The following USP34 variants were observed in gnomAD, a reference collection of about 807,000 sequenced individuals.
The protein encoded by USP34 is ubiquitin specific peptidase 34, also known as ubiquitin carboxyl-terminal hydrolase 34.
Under a neutral mutation model 460.3 loss-of-function variants are expected in USP34, and 70 were observed. The ratio of observed to expected loss-of-function variants is 0.15; its 90% CI spans 0.13 to 0.19. The LOEUF is 0.19. Among genes scored for constraint, USP34 ranks in the 10% least tolerant of loss-of-function variants. The probability of loss-of-function intolerance (pLI) is 1.00; values close to 1 mark genes in which losing one functional copy is unlikely to be tolerated. For synonymous variants in USP34, 1,647 were observed against 1,405.3 expected, an observed-to-expected ratio of 1.17 and a Z score of -3.85; for missense variants, 3,985 against 4,236.2, an observed-to-expected ratio of 0.94 and a Z score of 1.65.
At chr2:61,438,585 A>C (rs1373788806) in intron 1 of USP34, among the ~76,000 whole-genome samples, 2 of 151,458 alleles carry the variant, frequency 1.3e-5, no homozygotes, top group Non-Finnish European at 2.9e-5. Context: ...GGGCGACAAG[A>C]GTGAGACTCC....
intron 43 of USP34, among the ~76,000 whole-genome samples, chr2:61,263,201 G>C (rs1172942561): frequency 3.0e-5 from 3 of 99,146 alleles, no homozygotes; most frequent in Non-Finnish European, 4.2e-5. Context: ...TTTTTTTTGA[G>C]AGAAGTCTCG....
intron 75 of USP34, among the ~76,000 whole-genome samples, chr2:61,196,578 C>CAT (rs1686817141): frequency 6.6e-6 from 1 of 151,688 alleles, no homozygotes; most frequent in Admixed American, 6.6e-5. Flanking sequence ...TTGCCCAAAG[C>CAT]ATGTTGCAGT....
At chr2:61,320,217 C>CAG (rs1199054182) in intron 21 of USP34, among the ~76,000 whole-genome samples, 2 of 152,172 alleles carry the variant, frequency 1.3e-5, no homozygotes, top group African/African-American at 4.8e-5. Context: ...TCGCTTATTC[C>CAG]AGTTCAGGGT....
chr2:61,458,854 T>C (rs561781752), intron 1 of USP34, among the ~76,000 whole-genome samples: 1 of 151,882 alleles, frequency 6.6e-6, no homozygotes, highest in Non-Finnish European at 1.5e-5. Context: ...GATGGTGAGG[T>C]CAGGAGTTCA....
At chr2:61,376,182 A>AT (rs1350203806) in intron 8 of USP34, among the ~76,000 whole-genome samples, 10 of 152,186 alleles carry the variant, frequency 6.6e-5, no homozygotes, top group Admixed American at 6.5e-5. Context: ...TGACTTGTAT[A>AT]TTTTAAAAAG....
chr2:61,318,816 C>T (rs1000741480), intron 22 of USP34, among the ~76,000 whole-genome samples: 38 of 152,262 alleles, frequency 2.5e-4, no homozygotes, highest in African/African-American at 9.1e-4. Flanking sequence ...GAAAACAGCT[C>T]TCACACTTGT....
At chr2:61,333,802 G>A in intron 19 of USP34, 80 bp downstream of exon 19, 1 of 968,640 alleles carries the variant, frequency 1.0e-6, no homozygotes, top group Non-Finnish European at 1.4e-6. Context: ...GTAAAAGCTT[G>A]TAGGTTAGTC....
intron 41 of USP34, 21 bp downstream of exon 41, chr2:61,278,143 AT>A: frequency 6.2e-7 from 1 of 1,608,666 alleles, no homozygotes; most frequent in Non-Finnish European, 8.5e-7. Flanking sequence ...TCATAGAAAC[AT>A]TTGATTATCT....
At chr2:61,327,035 C>T (rs1691117109) in intron 20 of USP34, among the ~76,000 whole-genome samples, 1 of 152,028 alleles carries the variant, frequency 6.6e-6, no homozygotes, top group Admixed American at 6.6e-5. Context: ...ACCCACCCAC[C>T]TTGGCCTCCC....
rs537397343 is a variant in USP34, at chr2:61,383,234, T to G, written c.821+35A>C. ...TATAAATTGTTTAAATATATTACAC[T>G]GATAATCGGGGGTAAAGAAATTTTA... is the stretch of plus-strand genomic sequence containing the variant. On this transcript the variant is annotated intron_variant, in intron 6 of 79. Coordinates refer to ENST00000398571, the MANE Select transcript of USP34 (RefSeq NM_014709.4). 11 of 1,454,116 alleles carry G rather than the reference T, an allele frequency of 7.6e-6. No individual in the cohort carries two copies. The African/African-American group carries it at 1.4e-4, about 19-fold the overall frequency. 90.1% of individuals were successfully genotyped at this position (1,454,116 alleles called of 1,614,324 possible). A position where few individuals can be genotyped will look rare whatever the true frequency, so the allele number is the denominator to read the frequency against.
At chr2:61,220,552 A>C in intron 66 of USP34, 95 bp from the exon 67 acceptor site, 1 of 1,197,876 alleles carries the variant, frequency 8.3e-7, no homozygotes, top group Non-Finnish European at 1.1e-6. Flanking sequence ...ACAAAGCTAA[A>C]GTACTTTTTT....
chr2:61,455,653 T>G (rs950308029), intron 1 of USP34, among the ~76,000 whole-genome samples: 2 of 152,064 alleles, frequency 1.3e-5, no homozygotes, highest in African/African-American at 4.8e-5. Context: ...TTAAATTATA[T>G]CAAGTCCACA....
At chr2:61,274,415 G>A (rs1255321437) in intron 41 of USP34, among the ~76,000 whole-genome samples, 1 of 138,372 alleles carries the variant, frequency 7.2e-6, no homozygotes. Context: ...TAAGAAACAA[G>A]CATAACAAAA....
chr2:61,470,642 C>G lies in USP34; in HGVS notation c.43+8G>C. On this transcript the variant is annotated splice_region_variant and intron_variant, in intron 1 of 79. Coordinates refer to ENST00000398571, the MANE Select transcript of USP34 (RefSeq NM_014709.4). ...GCACCCCGACAGGCCGCTACCGCGG[C>G]TACTTACTTTCATTTAACACCTCCA... The G allele has an allele frequency of 6.3e-7, 1 of 1,590,284 alleles. No individual in the cohort carries two copies.
intron 5 of USP34, among the ~76,000 whole-genome samples, chr2:61,389,233 G>A (rs1693267325): frequency 6.6e-6 from 1 of 151,194 alleles, no homozygotes; most frequent in Admixed American, 6.6e-5. Flanking sequence ...AGGCTTCTGG[G>A]GAGTTGACAA....
chr2:61,262,252 G>A (rs1056146015), intron 43 of USP34, among the ~76,000 whole-genome samples: 1 of 150,802 alleles, frequency 6.6e-6, no homozygotes, highest in Admixed American at 6.6e-5. Flanking sequence ...GGTAAACCGT[G>A]TGTCACGTAA....
intron 1 of USP34, among the ~76,000 whole-genome samples, chr2:61,446,161 ATATT>A (rs1695111515): frequency 6.6e-6 from 1 of 151,718 alleles, no homozygotes; most frequent in Non-Finnish European, 1.5e-5. Flanking sequence ...AAATGTCTAC[ATATT>A]TATTCATTCA....
intron 75 of USP34, among the ~76,000 whole-genome samples, chr2:61,198,122 A>G (rs1398735079): frequency 6.6e-6 from 1 of 152,212 alleles, no homozygotes; most frequent in African/African-American, 2.4e-5. Context: ...ATGCATAATC[A>G]TTACAATTAA....
intron 22 of USP34, among the ~76,000 whole-genome samples, chr2:61,318,012 G>A (rs1009151730): frequency 1.3e-5 from 2 of 151,858 alleles, no homozygotes; most frequent in Non-Finnish European, 2.9e-5. Flanking sequence ...GGGCAACATG[G>A]CGAAATCTCA....
Sources: allele counts gnomAD v4.1 joint callset (sites outside exome capture counted in the v4.1 genomes callset), GRCh38; gene constraint gnomAD v4.1.1; transcripts MANE v1.5; gene names NCBI Gene and HGNC (gene_info 2026-07-23, HGNC 2026-07-21).